Variants in GALNT17 observed in about 807,000 individuals in gnomAD.
The protein encoded by GALNT17 is UDP-GalNAc:polypeptide N-acetylgalactosaminyltransferase-like 3.
GALNT17 carries 29 observed loss-of-function variants against 63.7 expected under a neutral mutation model. That is an observed-to-expected ratio of 0.46 (90% CI 0.34 to 0.62). GALNT17 has a LOEUF of 0.62. Ranked by LOEUF, GALNT17 falls within the 20% of genes least tolerant of loss-of-function variation. The pLI is 0.01. For missense variants in GALNT17, 603 were observed against 799.6 expected, an observed-to-expected ratio of 0.75 and a Z score of 2.97; for synonymous variants, 305 against 318.3, an observed-to-expected ratio of 0.96 and a Z score of 0.45.
intron 2 of GALNT17, among the ~76,000 whole-genome samples, chr7:71,378,978 G>A (rs1473944573): frequency 1.3e-5 from 2 of 152,082 alleles, no homozygotes; most frequent in Non-Finnish European, 2.9e-5. Context: ...CTCCAGCCTG[G>A]GCGACAGAGC....
At chr7:71,299,294 T>C (rs1791147396) in intron 1 of GALNT17, among the ~76,000 whole-genome samples, 1 of 152,208 alleles carries the variant, frequency 6.6e-6, no homozygotes, top group African/African-American at 2.4e-5. Flanking sequence ...TGGGACTAAA[T>C]GATTCTGTCA....
intron 1 of GALNT17, among the ~76,000 whole-genome samples, chr7:71,316,155 G>A (rs935664588): frequency 2.2e-5 from 3 of 134,516 alleles, no homozygotes; most frequent in African/African-American, 8.1e-5. Context: ...AGGAGCAAAG[G>A]GAGGAAGGCA....
chr7:71,303,891 TC>T (rs1174948202), intron 1 of GALNT17, among the ~76,000 whole-genome samples: 1 of 152,178 alleles, frequency 6.6e-6, no homozygotes, highest in African/African-American at 2.4e-5. Flanking sequence ...GCTAAACGCC[TC>T]CGGGGCAGCT....
At chr7:71,291,425 A>G (rs1790977548) in intron 1 of GALNT17, among the ~76,000 whole-genome samples, 1 of 152,194 alleles carries the variant, frequency 6.6e-6, no homozygotes, top group South Asian at 2.1e-4. Context: ...GGTTGTGATT[A>G]GAATCCAATT....
intron 1 of GALNT17, among the ~76,000 whole-genome samples, chr7:71,193,973 T>G (rs116531968): frequency 6.6e-6 from 1 of 152,224 alleles, no homozygotes; most frequent in Admixed American, 6.5e-5. Flanking sequence ...TCAAGCATTC[T>G]TGTATTCACT....
At chr7:71,693,293 C>CATATAT in intron 9 of GALNT17, among the ~76,000 whole-genome samples, 1 of 121,014 alleles carries the variant, frequency 8.3e-6, no homozygotes, top group African/African-American at 3.3e-5. Flanking sequence ...CACACACACA[C>CATATAT]ACACACACAC....
At chr7:71,228,948 G>GATTGAACAGCCTA (rs1359868206) in intron 1 of GALNT17, among the ~76,000 whole-genome samples, 6 of 151,916 alleles carry the variant, frequency 3.9e-5, no homozygotes, top group African/African-American at 1.5e-4. Context: ...ATCCTACCTG[G>GATTGAACAGCCTA]CCAATACTTA....
intron 6 of GALNT17, among the ~76,000 whole-genome samples, chr7:71,611,707 A>G (rs1231442327): frequency 3.3e-5 from 5 of 152,134 alleles, no homozygotes; most frequent in African/African-American, 7.2e-5. Flanking sequence ...AAAATGGAGA[A>G]ATTATGTATT....
intron 5 of GALNT17, among the ~76,000 whole-genome samples, chr7:71,528,105 C>T (rs1329023800): frequency 2.6e-5 from 4 of 152,136 alleles, no homozygotes; most frequent in Admixed American, 6.5e-5. Context: ...ACAGAATTAT[C>T]GAATGCCTTT....
intron 1 of GALNT17, among the ~76,000 whole-genome samples, chr7:71,192,576 A>C (rs938652708): frequency 2.0e-5 from 3 of 151,814 alleles, no homozygotes; most frequent in Non-Finnish European, 4.4e-5. Flanking sequence ...TTGTATTTTT[A>C]ATAGAGTTGG....
chr7:71,418,791 C>G (rs1786601850), intron 4 of GALNT17, among the ~76,000 whole-genome samples: 1 of 152,102 alleles, frequency 6.6e-6, no homozygotes, highest in Non-Finnish European at 1.5e-5. Context: ...ACAGTAAGAT[C>G]AAAATTCTCA....
At chr7:71,201,668 G>A (rs912159124) in intron 1 of GALNT17, among the ~76,000 whole-genome samples, 1 of 145,694 alleles carries the variant, frequency 6.9e-6, no homozygotes, top group Non-Finnish European at 1.5e-5. Context: ...GTCTCGCTCT[G>A]TCACCAGGCT....
chr7:71,399,899 A>T (rs979323789), intron 3 of GALNT17, among the ~76,000 whole-genome samples: 29 of 151,956 alleles, frequency 1.9e-4, no homozygotes, highest in African/African-American at 6.5e-4. Flanking sequence ...TCATATGTTT[A>T]TATATTTTTT....
At chr7:71,213,415 C>T (rs1053842888) in intron 1 of GALNT17, among the ~76,000 whole-genome samples, 3 of 152,022 alleles carry the variant, frequency 2.0e-5, no homozygotes, top group African/African-American at 7.2e-5. Context: ...ATACACTTGG[C>T]AATTGGTATT....
chr7:71,346,397 A>G (rs1246058722), intron 2 of GALNT17, among the ~76,000 whole-genome samples: 1 of 152,132 alleles, frequency 6.6e-6, no homozygotes, highest in South Asian at 2.1e-4. Context: ...TTTCCCTTTT[A>G]TTGACTACCT....
intron 5 of GALNT17, among the ~76,000 whole-genome samples, chr7:71,494,921 A>G (rs1322658846): frequency 6.6e-6 from 1 of 152,136 alleles, no homozygotes; most frequent in African/African-American, 2.4e-5. Context: ...TACCACAAGA[A>G]CAGTATGGAG....
chr7:71,681,392 A>G (rs140922999), intron 9 of GALNT17, among the ~76,000 whole-genome samples: 2 of 152,322 alleles, frequency 1.3e-5, no homozygotes, highest in East Asian at 3.9e-4. Flanking sequence ...ACCAAATGAA[A>G]AGCCCTAGCT....
intron 1 of GALNT17, among the ~76,000 whole-genome samples, chr7:71,206,039 AAT>A (rs35048889): frequency 1.1e-3 from 157 of 145,594 alleles, no homozygotes; most frequent in Admixed American, 1.3e-3. Context: ...CCAGCTAGAG[AAT>A]ATATATATAT....
At chr7:71,507,006 G>T (rs1788279898) in intron 5 of GALNT17, among the ~76,000 whole-genome samples, 1 of 152,222 alleles carries the variant, frequency 6.6e-6, no homozygotes, top group Non-Finnish European at 1.5e-5. Flanking sequence ...AGGCTGAGGT[G>T]GGACGATCGC....
Sources: gnomAD v4.1 joint callset for allele counts (sites outside exome capture counted in the v4.1 genomes callset) on GRCh38, gnomAD v4.1.1 for gene constraint, MANE v1.5 for transcripts, NCBI Gene and HGNC (gene_info 2026-07-23, HGNC 2026-07-21) for gene names.